RAP1GAP: variants seen among roughly 807,000 people sequenced by gnomAD.
RAP1GAP encodes the protein RAP1 GTPase activating protein.
RAP1GAP carries 35 observed loss-of-function variants against 87.2 expected under a neutral mutation model. The observed-to-expected ratio is 0.40, with a 90% CI of 0.31 to 0.53. The LOEUF is 0.53. Ranked by LOEUF, RAP1GAP falls within the 20% of genes least tolerant of loss-of-function variation. RAP1GAP has a pLI of 0.48. For missense variants in RAP1GAP, 734 were observed against 898.9 expected (o/e 0.82, Z 2.35); for synonymous variants, 375 against 363.9 (o/e 1.03, Z -0.35).
intron 2 of RAP1GAP, among the ~76,000 whole-genome samples, chr1:21,648,243 A>G (rs1390289530): frequency 6.6e-6 from 1 of 152,216 alleles, no homozygotes; most frequent in Non-Finnish European, 1.5e-5. Context: ...ACAGCTGGCC[A>G]GTTACAATCA....
At chr1:21,630,277 T>C (rs79653660) in intron 2 of RAP1GAP, among the ~76,000 whole-genome samples, 1 of 151,916 alleles carries the variant, frequency 6.6e-6, no homozygotes, top group Non-Finnish European at 1.5e-5. Context: ...TTTTTTTTTT[T>C]TGTTTTTTGA....
chr1:21,661,977 C>T (rs1571519498), intron 1 of RAP1GAP, among the ~76,000 whole-genome samples: 2 of 152,238 alleles, frequency 1.3e-5, no homozygotes, highest in East Asian at 1.9e-4. Context: ...TTCCAGACCA[C>T]GCCACTGAAG....
chr1:21,664,834 G>C (rs76260585), intron 1 of RAP1GAP, among the ~76,000 whole-genome samples: 1,689 of 152,090 alleles, frequency 0.011, 34 homozygotes, highest in African/African-American at 0.037. Flanking sequence ...CCTTCAGTGT[G>C]TCTCTCTGTG....
intron 1 of RAP1GAP, among the ~76,000 whole-genome samples, chr1:21,666,797 G>A (rs139309544): frequency 2.2e-4 from 34 of 152,240 alleles, no homozygotes; most frequent in African/African-American, 7.5e-4. Flanking sequence ...GGGCATCCTC[G>A]TGTTCTTCCT....
In RAP1GAP at chr1:21,626,320, G is replaced by A. The variant is rs2092032496; in HGVS notation, c.-35C>T. The stretch of plus-strand genomic sequence containing the variant: ...GACACTTACCTTAGGGTAGAGTGAA[G>A]GAGTATAGGAGGGAACTAAGTTCAC... On this transcript the variant is annotated 5_prime_UTR_variant, in exon 3 of 25. Transcript: ENST00000374765. 1.2e-6 allele frequency: 2 copies of A among 1,609,328 alleles called. No homozygotes were observed. The highest frequency in any genetic ancestry group is 2.7e-5 in the African/African-American group (2 of 74,834).
At chr1:21,605,329 C>T (rs766647651) in intron 18 of RAP1GAP, among the ~76,000 whole-genome samples, 13 of 152,312 alleles carry the variant, frequency 8.5e-5, no homozygotes, top group Non-Finnish European at 1.5e-4. Flanking sequence ...CTGGCTGCTG[C>T]GGACACACAG....
chr1:21,632,352 G>A (rs1166341845), intron 2 of RAP1GAP, among the ~76,000 whole-genome samples: 1 of 152,194 alleles, frequency 6.6e-6, no homozygotes, highest in Non-Finnish European at 1.5e-5. Flanking sequence ...TCGCACCATC[G>A]TGAGTGCAGT....
At chr1:21,601,557 C>T (rs2068542360) in intron 20 of RAP1GAP, 127 bp downstream of exon 20, 2 of 596,426 alleles carry the variant, frequency 3.4e-6, no homozygotes, top group Non-Finnish European at 5.4e-6. Context: ...CAGAGAATGC[C>T]CAGGTCCCCC....
At chr1:21,635,251 C>T (rs2094497950) in intron 2 of RAP1GAP, among the ~76,000 whole-genome samples, 1 of 152,174 alleles carries the variant, frequency 6.6e-6, no homozygotes, top group Non-Finnish European at 1.5e-5. Flanking sequence ...TGCTTTCTGT[C>T]TCTCCTCACT....
Position 21,611,505 on chromosome 1 carries a change from T to A in RAP1GAP, c.790A>T (p.Ile264Phe). The change falls in exon 13 of 25, where the codon ATC (isoleucine) becomes TTC (phenylalanine). Residue 264 changes from isoleucine (I) to phenylalanine (F), a missense_variant. Ile to Phe is a conservative substitution (Grantham distance 21). Around this residue, in one of 2 missense-constraint regions of RAP1GAP, gnomAD observed 485 missense variants for 646.2 expected, o/e 0.75. Transcript: ENST00000374765. ...AGCTTGGTGGACACGTGAAACATGA[T>A]CTCCTTGTTGCGGAAGTTGCAGTAC... The part of the protein sequence containing the change: ...SVYCNFRNKE[I>F]MFHVSTKLPY... The A allele has an allele frequency of 6.2e-7, 1 of 1,614,150 alleles. No individual in the cohort carries two copies. Among genetic ancestry groups the A allele is most frequent in the Non-Finnish European group, 8.5e-7 (1 of 1,180,032 alleles).
intron 3 of RAP1GAP, among the ~76,000 whole-genome samples, chr1:21,624,368 A>G (rs1397980390): frequency 6.6e-6 from 1 of 152,228 alleles, no homozygotes; most frequent in East Asian, 1.9e-4. Flanking sequence ...CAAGGCAGGT[A>G]GAGAAGAAAC....
At chr1:21,653,594 C>CCTTCCTTCCTTCCTT (rs1558897559) in intron 1 of RAP1GAP, among the ~76,000 whole-genome samples, 11 of 81,164 alleles carry the variant, frequency 1.4e-4, no homozygotes, top group South Asian at 1.1e-3. Flanking sequence ...CTTCCTTCCT[C>CCTTCCTTCCTTCCTT]CCTCCCTCCC....
At chr1:21,651,637 T>C (rs760101904) in intron 1 of RAP1GAP, 1 of 847,434 alleles carries the variant, frequency 1.2e-6, no homozygotes, top group Non-Finnish European at 1.9e-6. Context: ...ATGCGCGCAC[T>C]GAGGTCAAAC....
chr1:21,617,247 G>T, intron 7 of RAP1GAP, 59 bp downstream of exon 7: 1 of 1,526,730 alleles, frequency 6.5e-7, no homozygotes, highest in South Asian at 1.2e-5. Flanking sequence ...GGCCCACCTC[G>T]AATGGGGCTG....
rs2149650600 is a variant in RAP1GAP, at chr1:21,617,286, T to A, written c.291+20A>T. On this transcript the variant is annotated intron_variant, in intron 7 of 24. Coordinates refer to ENST00000374765, the MANE Select transcript of RAP1GAP (RefSeq NM_002885.4). ...TGTGACCCACCCCAGCCAGCCCCGC[T>A]GCACCAGCCGGCCACCCACCTTGCC... 1 of 1,555,638 alleles carries A rather than the reference T, an allele frequency of 6.4e-7. No homozygotes were observed.
intron 2 of RAP1GAP, chr1:21,627,068 A>C (rs1036912234): frequency 2.2e-6 from 1 of 449,856 alleles, no homozygotes; most frequent in Non-Finnish European, 4.5e-6. Context: ...TGAGGAAAGA[A>C]AGCAGGTCTG....
chr1:21,667,163 C>G (rs1262262717), intron 1 of RAP1GAP, among the ~76,000 whole-genome samples: 1 of 152,232 alleles, frequency 6.6e-6, no homozygotes, highest in Non-Finnish European at 1.5e-5. Flanking sequence ...AGACAGATGG[C>G]AGCATGGAGG....
At position 21,609,452 on chromosome 1, in the gene RAP1GAP, G is replaced by C; in HGVS notation, c.1071+123C>G. On this transcript the variant is annotated intron_variant, in intron 15 of 24. Coordinates refer to ENST00000374765, the MANE Select transcript of RAP1GAP (RefSeq NM_002885.4). This position sits in a 1 kb window ranked among gnomAD's most constrained non-coding sequence, Gnocchi z 4.4. ...AAAGCCAGGCCCCGGTTGCAGTTAG[G>C]GGAGCCCAGCTGCCCTGGCATACAA... The C allele has an allele frequency of 1.8e-6, 1 of 561,338 alleles. No homozygotes were observed. The highest frequency in any genetic ancestry group is 3.0e-6 in the Non-Finnish European group (1 of 329,772). The allele number at this position is 561,338 out of a possible 1,614,324, so 34.8% of individuals were successfully genotyped here. A position where few individuals can be genotyped will look rare whatever the true frequency, so the allele number is the denominator to read the frequency against.
intron 7 of RAP1GAP, 122 bp from the exon 8 acceptor site, chr1:21,614,211 T>C: frequency 1.5e-6 from 1 of 646,614 alleles, no homozygotes; most frequent in South Asian, 1.9e-5. Context: ...GTGTCACGGC[T>C]GATAGCAGAC....
Sources: gnomAD v4.1 joint callset for allele counts (sites outside exome capture counted in the v4.1 genomes callset) on GRCh38, gnomAD v4.1.1 for gene constraint, gnomAD v4.1.1 regional missense constraint, Gnocchi (gnomAD v3.1) non-coding constraint, MANE v1.5 for transcripts, NCBI Gene and HGNC (gene_info 2026-07-23, HGNC 2026-07-21) for gene names.